AGO1: variants seen among roughly 807,000 people sequenced by gnomAD.
AGO1 encodes argonaute RISC component 1, also known as protein argonaute-1.
AGO1 carries 11 observed loss-of-function variants against 109.2 expected under a neutral mutation model. The observed-to-expected ratio is 0.10, with a 90% CI of 0.06 to 0.17. The LOEUF (loss-of-function observed/expected upper bound fraction) is 0.17, where lower values mean the gene tolerates loss of function less well. AGO1 is among the 10% of genes least tolerant of loss of function. The probability of loss-of-function intolerance (pLI) is 1.00; values close to 1 mark genes in which losing one functional copy is unlikely to be tolerated. For missense variants in AGO1, 574 were observed against 1,140.3 expected, an observed-to-expected ratio of 0.50 and a Z score of 7.15; for synonymous variants, 422 against 418.6, an observed-to-expected ratio of 1.01 and a Z score of -0.10.
At chr1:35,874,688 T>C (rs747085039) in intron 1 of AGO1, among the ~76,000 whole-genome samples, 28 of 152,182 alleles carry the variant, frequency 1.8e-4, no homozygotes, top group Admixed American at 4.6e-4. Context: ...GGAAGACATA[T>C]AGAAAGCTGA....
At chr1:35,885,866 G>T (rs1214243131) in intron 1 of AGO1, among the ~76,000 whole-genome samples, 2 of 152,252 alleles carry the variant, frequency 1.3e-5, no homozygotes, top group African/African-American at 4.8e-5. Flanking sequence ...AAATGGTTAA[G>T]CACGTATGTG....
intron 2 of AGO1, among the ~76,000 whole-genome samples, chr1:35,891,491 A>T (rs920014547): frequency 6.6e-6 from 1 of 151,994 alleles, no homozygotes; most frequent in African/African-American, 2.4e-5. Flanking sequence ...GGGATTAGAG[A>T]TCTGGGATTA....
At position 35,883,546 on chromosome 1, in the gene AGO1, G is replaced by C; in HGVS notation, c.25+100G>C. On this transcript the variant is annotated intron_variant, in intron 1 of 18. Transcript: ENST00000373204. The surrounding 1 kb of genome is among the most constrained non-coding windows in gnomAD (Gnocchi z 5.4). ...AGTGATGGAAGCGCTCCTGAGTGAG[G>C]AGAAGGGCTCTCCCACGATGGGGGC... 1.4e-6 allele frequency: 2 copies of C among 1,422,128 alleles called. No individual in the cohort carries two copies. The highest frequency in any genetic ancestry group is 1.8e-6 in the Non-Finnish European group (2 of 1,085,958). 88.1% of individuals were successfully genotyped at this position (1,422,128 alleles called of 1,614,324 possible).
chr1:35,887,457 G>A (rs894029440), intron 1 of AGO1, among the ~76,000 whole-genome samples: 3 of 152,112 alleles, frequency 2.0e-5, no homozygotes, highest in East Asian at 3.9e-4. Flanking sequence ...TAAAGTAGCT[G>A]GATCTGGCCT....
chr1:35,893,202 G>A lies in AGO1; in HGVS notation c.436G>A (p.Val146Ile). Residue 146 changes from valine (V) to isoleucine (I), a missense_variant, in exon 4 of 19, where the codon GTC (valine) becomes ATC (isoleucine). Physicochemically the swap from Val to Ile is conservative, Grantham distance 29 (BLOSUM62 3). This residue lies in a region of AGO1 where 129 missense variants were observed against 243.0 expected (regional missense o/e 0.53). Coordinates refer to ENST00000373204, the MANE Select transcript of AGO1 (RefSeq NM_012199.5). This position sits in a 1 kb window ranked among gnomAD's most constrained non-coding sequence, Gnocchi z 5.6. ...VSWRMLHEAL[V>I]SGQIPVPLES... ...CTGGCGAATGCTGCATGAGGCCCTG[G>A]TCAGCGGCCAGATCCCTGTTCCCTT... The A allele has an allele frequency of 1.2e-6, 2 of 1,614,092 alleles. No homozygotes were observed. The highest frequency in any genetic ancestry group is 1.7e-6 in the Non-Finnish European group (2 of 1,180,004).
intron 8 of AGO1, among the ~76,000 whole-genome samples, chr1:35,896,981 T>C (rs904042880): frequency 2.0e-5 from 3 of 152,246 alleles, no homozygotes; most frequent in African/African-American, 7.2e-5. Flanking sequence ...ATTTATGTTA[T>C]GACTTAGACC....
At chr1:35,899,730 A>C (rs1645381930) in intron 8 of AGO1, among the ~76,000 whole-genome samples, 1 of 152,160 alleles carries the variant, frequency 6.6e-6, no homozygotes, top group African/African-American at 2.4e-5. Flanking sequence ...TTTACCATGA[A>C]CTCTGGGAAT....
chr1:35,903,837 C>T (rs1400091722), intron 11 of AGO1, among the ~76,000 whole-genome samples: 2 of 151,832 alleles, frequency 1.3e-5, no homozygotes, highest in African/African-American at 2.4e-5. Flanking sequence ...GTGGCGCGTG[C>T]CTGTAGTCCC....
At position 35,926,048 on chromosome 1, in the gene AGO1, G is replaced by C; in HGVS notation, c.*6441G>C. 6.8e-6 allele frequency: 1 copy of C among 148,020 alleles called. No individual in the cohort carries two copies. The highest frequency in any genetic ancestry group is 2.5e-5 in the African/African-American group (1 of 40,812). 9.2% of individuals were successfully genotyped at this position (148,020 alleles called of 1,614,324 possible). ...CTTTTCAGCAGCAAGGGTTAGGGAG[G>C]TTGGTTGAACTTGAAGAGCAGATTG... On this transcript the variant is annotated 3_prime_UTR_variant, in exon 19 of 19. Transcript: ENST00000373204.
Position 35,925,292 on chromosome 1 carries a change from A to G in AGO1, c.*5685A>G, listed in dbSNP as rs1645906718. 1 of 151,406 alleles carries G rather than the reference A, an allele frequency of 6.6e-6. No homozygotes were observed. The highest frequency in any genetic ancestry group is 2.4e-5 in the African/African-American group (1 of 41,070). 9.4% of individuals were successfully genotyped at this position (151,406 alleles called of 1,614,324 possible). ...CGTTATTCTCCAGTATTTCTTGAAA[A>G]TGAGCATTGGAAAAACCAATTCTAA... On this transcript the variant is annotated 3_prime_UTR_variant, in exon 19 of 19. Transcript: ENST00000373204.
At position 35,901,377 on chromosome 1, in the gene AGO1, A is replaced by G. The variant is rs957352449; in HGVS notation, c.1021-97A>G. 16 of 1,528,342 alleles carry G rather than the reference A, an allele frequency of 1.0e-5. No individual in the cohort carries two copies. Among genetic ancestry groups the G allele is most frequent in the Non-Finnish European group, 1.4e-5 (16 of 1,119,674 alleles). The allele number at this position is 1,528,342 out of a possible 1,614,324, so 94.7% of individuals were successfully genotyped here. On this transcript the variant is annotated intron_variant, in intron 8 of 18. Transcript: ENST00000373204. This position sits in a 1 kb window ranked among gnomAD's most constrained non-coding sequence, Gnocchi z 4.8. ...AACGGATTTTGCAGTTCCCTTCCCC[A>G]TGGCTGACAGCCAAGGTATCTTTCC...
intron 1 of AGO1, among the ~76,000 whole-genome samples, chr1:35,874,469 G>A (rs2148703193): frequency 6.6e-6 from 1 of 152,262 alleles, no homozygotes. Context: ...GAGCCAACGT[G>A]CCCAACCTTA....
intron 11 of AGO1, among the ~76,000 whole-genome samples, chr1:35,902,561 C>T (rs933880281): frequency 6.6e-6 from 1 of 152,184 alleles, no homozygotes; most frequent in Non-Finnish European, 1.5e-5. Context: ...GATTTTAGGG[C>T]ATGAATCTCC....
Position 35,920,319 on chromosome 1 carries a change from A to G in AGO1, c.*712A>G, listed in dbSNP as rs1645808743. On this transcript the variant is annotated 3_prime_UTR_variant, in exon 19 of 19. Coordinates refer to ENST00000373204, the MANE Select transcript of AGO1 (RefSeq NM_012199.5). ...AGCCCCTAGTAATACTTAAGGCACTATGGCACTTAGCTTTGAAGTGACACG... is the reference window on the plus strand; with the variant it reads ...AGCCCCTAGTAATACTTAAGGCACTGTGGCACTTAGCTTTGAAGTGACACG... 1.3e-5 allele frequency: 2 copies of G among 152,384 alleles called. No individual in the cohort carries two copies. Among genetic ancestry groups the G allele is most frequent in the Non-Finnish European group, 2.9e-5 (2 of 68,046 alleles). The allele number at this position is 152,384 out of a possible 1,614,324, so 9.4% of individuals were successfully genotyped here.
Position 35,919,480 on chromosome 1 carries a change from T to G in AGO1, c.2466-19T>G. 1 of 1,605,194 alleles carries G rather than the reference T, an allele frequency of 6.2e-7. No homozygotes were observed. Among genetic ancestry groups the G allele is most frequent in the Non-Finnish European group, 8.5e-7 (1 of 1,174,950 alleles). On this transcript the variant is annotated intron_variant, in intron 18 of 18. Coordinates refer to ENST00000373204, the MANE Select transcript of AGO1 (RefSeq NM_012199.5). This position sits in a 1 kb window ranked among gnomAD's most constrained non-coding sequence, Gnocchi z 6.6. Reference sequence around the variant, plus strand: ...TCTCAGTTCACCAGGAAGGACTTCTTTCATTTTTTCCTTTTCAGTGGAGAG... The same window carrying G: ...TCTCAGTTCACCAGGAAGGACTTCTGTCATTTTTTCCTTTTCAGTGGAGAG...
upstream of AGO1, among the ~76,000 whole-genome samples, chr1:35,878,360 C>T (rs1645008877): frequency 6.6e-6 from 1 of 152,134 alleles, no homozygotes; most frequent in Non-Finnish European, 1.5e-5. Flanking sequence ...GCTGGGATTA[C>T]AGGTGTGAGC....
chr1:35,907,489 T>C (rs1645545185), intron 12 of AGO1, among the ~76,000 whole-genome samples: 1 of 152,052 alleles, frequency 6.6e-6, no homozygotes. Flanking sequence ...GAATAGGTGG[T>C]CCTGTTAGTA....
rs778306053 is a variant in AGO1 at position 35,895,260 on chromosome 1, T to C, written c.1011T>C (p.Leu337=). ...GCCAGGAACAAAAGCATACCTACCT[T>C]CCCCTAGAGGTGAGATTGCCAAGTA... ...QVGQEQKHTY[L]PLEVCNIVAG... Residue 337 remains leucine (L), a synonymous_variant, in exon 8 of 19, where the codon CTT becomes CTC. Transcript: ENST00000373204. The C allele has an allele frequency of 6.2e-7, 1 of 1,612,950 alleles. No individual in the cohort carries two copies. Among genetic ancestry groups the C allele is most frequent in the Non-Finnish European group, 8.5e-7 (1 of 1,179,350 alleles).
Position 35,883,974 on chromosome 1 carries a change from C to G in AGO1, c.25+528C>G, listed in dbSNP as rs751689949. 6.6e-6 allele frequency among the ~76,000 whole-genome samples: 1 copy of G among 152,216 alleles called. No homozygotes were observed. The highest frequency in any genetic ancestry group is 2.4e-5 in the African/African-American group (1 of 41,464). On this transcript the variant is annotated intron_variant, in intron 1 of 18. Coordinates refer to ENST00000373204, the MANE Select transcript of AGO1 (RefSeq NM_012199.5). This position sits in a 1 kb window ranked among gnomAD's most constrained non-coding sequence, Gnocchi z 5.4. ...TGGGGACCCAGTCCCGGGATTACCCCCCGTGGGTCTGGGGAGTCGGAGCGG... is the reference window on the plus strand; with the variant it reads ...TGGGGACCCAGTCCCGGGATTACCCGCCGTGGGTCTGGGGAGTCGGAGCGG...
Sources: allele counts gnomAD v4.1 joint callset (sites outside exome capture counted in the v4.1 genomes callset), GRCh38; gene constraint gnomAD v4.1.1; regional missense constraint gnomAD v4.1.1; non-coding constraint Gnocchi (gnomAD v3.1); transcripts MANE v1.5; gene names NCBI Gene and HGNC (gene_info 2026-07-23, HGNC 2026-07-21).